FTCDNL1: variants seen among roughly 807,000 people sequenced by gnomAD.
FTCDNL1 encodes the protein formiminotransferase N-terminal subdomain-containing protein.
FTCDNL1 carries 11 observed loss-of-function variants against 5.9 expected under a neutral mutation model. The observed-to-expected ratio is 1.87, with a 90% CI of 1.18 to 3.10. The LOEUF is 3.10. FTCDNL1 is among the 30% of genes most tolerant of loss of function. FTCDNL1 has a pLI of 0.00. For missense variants in FTCDNL1, 115 were observed against 65.5 expected (o/e 1.76, Z -2.61); for synonymous variants, 58 against 24.8 (o/e 2.34, Z -3.99).
chr2:199,815,905 C>T (rs1424717045), intron 4 of FTCDNL1, among the ~76,000 whole-genome samples: 4 of 151,848 alleles, frequency 2.6e-5, no homozygotes, highest in African/African-American at 7.3e-5. Context: ...GAGGCTGAGG[C>T]AGGGGAATCG....
At chr2:199,783,249 C>G (rs1042635373) in intron 3 of FTCDNL1, among the ~76,000 whole-genome samples, 4 of 152,184 alleles carry the variant, frequency 2.6e-5, no homozygotes, top group African/African-American at 9.7e-5. Flanking sequence ...TCTCCAAGCC[C>G]ACATAACATA....
chr2:199,800,019 A>G (rs1405498145), intron 3 of FTCDNL1, among the ~76,000 whole-genome samples: 1 of 152,176 alleles, frequency 6.6e-6, no homozygotes, highest in Non-Finnish European at 1.5e-5. Flanking sequence ...TTTTAATCAC[A>G]GTATAATAAA....
the FTCDNL1 span, among the ~76,000 whole-genome samples, chr2:199,734,152 A>C: frequency 6.6e-6 from 1 of 152,208 alleles, no homozygotes; most frequent in East Asian, 1.9e-4. Flanking sequence ...CCAGTCACAC[A>C]AAAACGTAGG....
intron 3 of FTCDNL1, among the ~76,000 whole-genome samples, chr2:199,828,354 T>A (rs1702160372): frequency 6.6e-6 from 1 of 152,222 alleles, no homozygotes; most frequent in South Asian, 2.1e-4. Context: ...AAGAAGATAA[T>A]AATTCTGAAT....
intron 3 of FTCDNL1, among the ~76,000 whole-genome samples, chr2:199,824,300 C>A (rs1357567259): frequency 6.6e-6 from 1 of 152,242 alleles, no homozygotes; most frequent in African/African-American, 2.4e-5. Context: ...CTCTCTCACC[C>A]TTCACAGAAT....
chr2:199,724,523 G>A, the FTCDNL1 span, among the ~76,000 whole-genome samples: 6 of 152,110 alleles, frequency 3.9e-5, no homozygotes, highest in East Asian at 1.9e-4. Context: ...GTCATTTAGC[G>A]CTCTAAATTT....
At chr2:199,708,272 A>G in the FTCDNL1 span, among the ~76,000 whole-genome samples, 3 of 152,072 alleles carry the variant, frequency 2.0e-5, no homozygotes, top group Admixed American at 6.6e-5. Context: ...GAAGTTCCAC[A>G]TGATTACTTT....
intron 3 of FTCDNL1, among the ~76,000 whole-genome samples, chr2:199,801,498 A>G (rs1700448568): frequency 6.6e-6 from 1 of 151,902 alleles, no homozygotes; most frequent in Non-Finnish European, 1.5e-5. Flanking sequence ...AATAAAAAGT[A>G]AAAAAAATAG....
the FTCDNL1 span, among the ~76,000 whole-genome samples, chr2:199,667,077 C>T: frequency 6.6e-6 from 1 of 151,948 alleles, no homozygotes; most frequent in Non-Finnish European, 1.5e-5. Flanking sequence ...AACCTAAGTG[C>T]CACTCTGAAG....
intron 3 of FTCDNL1, among the ~76,000 whole-genome samples, chr2:199,832,486 T>C (rs777775234): frequency 4.6e-5 from 7 of 152,218 alleles, no homozygotes; most frequent in Non-Finnish European, 8.8e-5. Context: ...TTCTCTGAAA[T>C]AGGTACTGAA....
At chr2:199,834,758 A>C (rs1198559880) in intron 3 of FTCDNL1, among the ~76,000 whole-genome samples, 1 of 152,182 alleles carries the variant, frequency 6.6e-6, no homozygotes, top group Non-Finnish European at 1.5e-5. Flanking sequence ...ACCTACCCCA[A>C]TACTCTTATT....
chr2:199,756,805 C>G (rs1360987716), downstream of FTCDNL1, among the ~76,000 whole-genome samples: 1 of 152,188 alleles, frequency 6.6e-6, no homozygotes. Flanking sequence ...TCAGCTGCAG[C>G]CCTGTTCCAT....
intron 3 of FTCDNL1, among the ~76,000 whole-genome samples, chr2:199,772,431 GT>G (rs1698859656): frequency 6.6e-6 from 1 of 152,160 alleles, no homozygotes; most frequent in African/African-American, 2.4e-5. Flanking sequence ...CTTAACTCTA[GT>G]TTTCTCTGTC....
the FTCDNL1 span, among the ~76,000 whole-genome samples, chr2:199,745,168 A>G: frequency 6.6e-6 from 1 of 152,212 alleles, no homozygotes; most frequent in African/African-American, 2.4e-5. Context: ...ACTGATATTT[A>G]TCGATTCACC....
the FTCDNL1 span, among the ~76,000 whole-genome samples, chr2:199,673,914 A>G: frequency 6.6e-6 from 1 of 152,238 alleles, no homozygotes; most frequent in Admixed American, 6.5e-5. Context: ...ATCCCAGTGT[A>G]GAAATAAATT....
chr2:199,842,557 A>C (rs893726564), intron 3 of FTCDNL1, among the ~76,000 whole-genome samples: 1 of 152,234 alleles, frequency 6.6e-6, no homozygotes, highest in Admixed American at 6.5e-5. Flanking sequence ...ACTTGCAAAA[A>C]TTGTTGACAG....
the FTCDNL1 span, among the ~76,000 whole-genome samples, chr2:199,744,979 C>G: frequency 6.6e-6 from 1 of 152,226 alleles, no homozygotes; most frequent in Non-Finnish European, 1.5e-5. Flanking sequence ...CGCCTCTCAG[C>G]TGGCAGCCCT....
At chr2:199,822,786 C>T (rs1460925556) in intron 3 of FTCDNL1, among the ~76,000 whole-genome samples, 2 of 152,202 alleles carry the variant, frequency 1.3e-5, no homozygotes, top group African/African-American at 4.8e-5. Context: ...GTAGATTCCA[C>T]ATTAAGAAAC....
intron 3 of FTCDNL1, chr2:199,844,462 G>A (rs1486253626): frequency 3.0e-6 from 2 of 665,232 alleles, no homozygotes; most frequent in Non-Finnish European, 5.5e-6. Flanking sequence ...CCAGGCAAGG[G>A]TGGATTCCCT....
Sources: gnomAD v4.1 joint callset for allele counts (sites outside exome capture counted in the v4.1 genomes callset) on GRCh38, gnomAD v4.1.1 for gene constraint, MANE v1.5 for transcripts, NCBI Gene and HGNC (gene_info 2026-07-23, HGNC 2026-07-21) for gene names.